C8orf58: variants seen among roughly 807,000 people sequenced by gnomAD.
C8orf58 encodes the protein uncharacterized protein C8orf58.
A neutral mutation model predicts 36.8 loss-of-function variants in C8orf58; 31 were observed. The ratio of observed to expected loss-of-function variants is 0.84; its 90% CI spans 0.63 to 1.14. The LOEUF (loss-of-function observed/expected upper bound fraction) is 1.14, where lower values mean the gene tolerates loss of function less well. Among genes scored for constraint, C8orf58 ranks in the 50% most tolerant of loss-of-function variants. The pLI, the probability that C8orf58 is intolerant of heterozygous loss-of-function variation, is 0.00. For missense variants in C8orf58, 538 were observed against 480.8 expected, an observed-to-expected ratio of 1.12 and a Z score of -1.11; for synonymous variants, 230 against 200.2, an observed-to-expected ratio of 1.15 and a Z score of -1.26.
chr8:22,603,766 G>A lies in C8orf58; in HGVS notation c.*460G>A, dbSNP rs974042023. 3.6e-6 allele frequency: 1 copy of A among 279,358 alleles called. No homozygotes were observed. The allele number at this position is 279,358 out of a possible 1,614,324, so 17.3% of individuals were successfully genotyped here. A position where few individuals can be genotyped will look rare whatever the true frequency, so the allele number is the denominator to read the frequency against. ...CTGGGGGAGGTCACTGCAGAAGGAT[G>A]GAACTGACCTTTATTCCCCAGTGGG... On this transcript the variant is annotated 3_prime_UTR_variant, in exon 7 of 7. Coordinates refer to ENST00000289989, the MANE Select transcript of C8orf58 (RefSeq NM_001013842.3).
chr8:22,603,341 G>A lies in C8orf58; in HGVS notation c.*35G>A, dbSNP rs372279433. The A allele has an allele frequency of 1.6e-5, 23 of 1,460,236 alleles. No individual in the cohort carries two copies. Among genetic ancestry groups the A allele is most frequent in the East Asian group, 2.3e-5 (1 of 44,186 alleles). The allele number at this position is 1,460,236 out of a possible 1,614,324, so 90.5% of individuals were successfully genotyped here. A position where few individuals can be genotyped will look rare whatever the true frequency, so the allele number is the denominator to read the frequency against. ...GTGCACCTGGTGACCCTGGGTGGAG[G>A]GGACTTGCTGTGAAGTCTTCCTCGC... On this transcript the variant is annotated 3_prime_UTR_variant, in exon 7 of 7. Transcript: ENST00000289989.
In C8orf58 at chr8:22,602,833, G is replaced by C. The variant is rs759739825; in HGVS notation, c.986+190G>C. 2.6e-4 allele frequency: 155 copies of C among 585,622 alleles called. 3 individuals are homozygous for C. The highest frequency in any genetic ancestry group is 9.3e-5 in the Admixed American group (3 of 32,326). 36.3% of individuals were successfully genotyped at this position (585,622 alleles called of 1,614,324 possible). A position where few individuals can be genotyped will look rare whatever the true frequency, so the allele number is the denominator to read the frequency against. ...AGGAGGCAGGGTTCTGGGTGGGGTTGGGGGTAGTTGCTTTTCCAAAGCCGC... is the reference window on the plus strand; with the variant it reads ...AGGAGGCAGGGTTCTGGGTGGGGTTCGGGGTAGTTGCTTTTCCAAAGCCGC... On this transcript the variant is annotated intron_variant, in intron 6 of 6. Transcript: ENST00000289989.
chr8:22,601,578 G>T, intron 2 of C8orf58, 134 bp from the exon 3 acceptor site: 1 of 1,181,368 alleles, frequency 8.5e-7, no homozygotes. Flanking sequence ...GCTGGGCAGT[G>T]GGGAAGCCGG....
chr8:22,601,920 G>A, intron 3 of C8orf58, 52 bp from the exon 4 acceptor site: 1 of 1,552,274 alleles, frequency 6.4e-7, no homozygotes, highest in Non-Finnish European at 8.7e-7. Context: ...TGCCCTCAGA[G>A]CAGCTTCAGC....
Position 22,601,746 on chromosome 8 carries a change from T to G in C8orf58, c.551T>G (p.Leu184Arg). 6.2e-7 allele frequency: 1 copy of G among 1,611,766 alleles called. No individual in the cohort carries two copies. ...GGLGPGAWACLPGQGLRYLEH... is the reference protein window; with the variant it reads ...GGLGPGAWACRPGQGLRYLEH... Reference sequence around the variant, plus strand: ...CTGGGGCCTGGAGCCTGGGCCTGCCTCCCCGGGCAGGGTCTTCGCTATCTG... The same window carrying G: ...CTGGGGCCTGGAGCCTGGGCCTGCCGCCCCGGGCAGGGTCTTCGCTATCTG... The change falls in exon 3 of 7, where the codon CTC (leucine) becomes CGC (arginine). Residue 184 changes from leucine to arginine, a missense_variant. Physicochemically the swap from Leu to Arg is moderately radical, Grantham distance 102. Transcript: ENST00000289989.
Position 22,601,215 on chromosome 8 carries a change from C to T in C8orf58, c.374C>T (p.Pro125Leu), listed in dbSNP as rs1272282060. The T allele has an allele frequency of 1.2e-6, 2 of 1,609,580 alleles. No individual in the cohort carries two copies. The highest frequency in any genetic ancestry group is 8.5e-7 in the Non-Finnish European group (1 of 1,178,732). Residue 125 changes from proline (P) to leucine (L), a missense_variant, in exon 2 of 7, where the codon CCA (proline) becomes CTA (leucine). Coordinates refer to ENST00000289989, the MANE Select transcript of C8orf58 (RefSeq NM_001013842.3). The stretch of plus-strand genomic sequence containing the variant: ...GTGTTGGAGCGGTCCCGCCGGCTCC[C>T]AACAGCTCCCACCAGCTTGTCAGGA... Reference protein sequence around the residue: ...GEVLERSRRLPTAPTSLSGQH... With the variant: ...GEVLERSRRLLTAPTSLSGQH...
At chr8:22,602,713 A>T in intron 6 of C8orf58, 70 bp downstream of exon 6, 1 of 1,032,642 alleles carries the variant, frequency 9.7e-7, no homozygotes, top group South Asian at 1.6e-5. Context: ...TGAGATTGTC[A>T]TGCCAGTTGT....
At chr8:22,599,810 G>T in intron 1 of C8orf58, 50 bp downstream of exon 1, 4 of 921,116 alleles carry the variant, frequency 4.3e-6, no homozygotes, top group Non-Finnish European at 5.6e-6. Context: ...CCCCGGAGCC[G>T]CTTCCCGCCC....
chr8:22,602,341 G>A, intron 5 of C8orf58, 29 bp downstream of exon 5: 1 of 1,344,956 alleles, frequency 7.4e-7, no homozygotes, highest in Non-Finnish European at 1.0e-6. Flanking sequence ...TGGGGCAGGT[G>A]GTGGGCTGGG....
rs779344653 is a variant in C8orf58 at position 22,602,181 on chromosome 8, CCTGA to C, written c.767-15_767-12del. On this transcript the variant is annotated splice_polypyrimidine_tract_variant and intron_variant, in intron 4 of 6. Transcript: ENST00000289989. ...TGGGGTGTCTTCTGGCCCTGGCCAA[CCTGA>C]CTGTCTTTCTGAAGGAGCAAAGGCT... 7.7e-5 allele frequency: 122 copies of C among 1,580,046 alleles called. 1 individual carries two copies. Among genetic ancestry groups the C allele is most frequent in the Middle Eastern group, 3.3e-4 (2 of 6,026 alleles).
chr8:22,602,379 TG>T (rs1800891937), intron 5 of C8orf58, 67 bp downstream of exon 5: 2 of 1,248,680 alleles, frequency 1.6e-6, no homozygotes, highest in Non-Finnish European at 2.3e-6. Context: ...GGGGGATGCA[TG>T]GGCACCCTGG....
At chr8:22,602,973 C>T (rs1800914031) in intron 6 of C8orf58, 7 of 596,860 alleles carry the variant, frequency 1.2e-5, no homozygotes, top group Non-Finnish European at 2.1e-5. Flanking sequence ...GTGGGGAGAG[C>T]AAGGTGGAGC....
chr8:22,601,869 T>G lies in C8orf58; in HGVS notation c.657+17T>G. ...CCCCCAGGGGTGAGTGAGATTCGAG[T>G]GGGGGAGGGAGAGGACAGATGGGAC... On this transcript the variant is annotated intron_variant, in intron 3 of 6. Coordinates refer to ENST00000289989, the MANE Select transcript of C8orf58 (RefSeq NM_001013842.3). 3 of 1,593,300 alleles carry G rather than the reference T, an allele frequency of 1.9e-6. No individual in the cohort carries two copies. Among genetic ancestry groups the G allele is most frequent in the South Asian group, 2.2e-5 (2 of 89,232 alleles).
At chr8:22,603,037 T>C in intron 6 of C8orf58, 158 bp from the exon 7 acceptor site, 1 of 621,672 alleles carries the variant, frequency 1.6e-6, no homozygotes, top group Non-Finnish European at 2.9e-6. Context: ...TTGTATTGAA[T>C]CGTTCTCCAG....
chr8:22,603,425 CTCTCT>C lies in C8orf58; in HGVS notation c.*121_*125del. On this transcript the variant is annotated 3_prime_UTR_variant, in exon 7 of 7. Coordinates refer to ENST00000289989, the MANE Select transcript of C8orf58 (RefSeq NM_001013842.3). ...GGAAAAGCTGCTGACGCCTGCCCTCCTCTCTTGAGTCGAGGGCTGAATCTTTCTCC... is the reference window on the plus strand; with the variant it reads ...GGAAAAGCTGCTGACGCCTGCCCTCCTGAGTCGAGGGCTGAATCTTTCTCC... 1 of 759,180 alleles carries C rather than the reference CTCTCT, an allele frequency of 1.3e-6. No homozygotes were observed. Among genetic ancestry groups the C allele is most frequent in the Non-Finnish European group, 2.3e-6 (1 of 426,380 alleles). 47.0% of individuals were successfully genotyped at this position (759,180 alleles called of 1,614,324 possible).
chr8:22,602,901 G>T (rs752790311), intron 6 of C8orf58: 16 of 581,866 alleles, frequency 2.7e-5, no homozygotes, highest in Non-Finnish European at 4.6e-5. Context: ...TGGGAAATCT[G>T]CCTACCCTAG....
Position 22,600,553 on chromosome 8 carries a change from T to C in C8orf58, c.41-329T>C, listed in dbSNP as rs113381881. On this transcript the variant is annotated intron_variant, in intron 1 of 6. Coordinates refer to ENST00000289989, the MANE Select transcript of C8orf58 (RefSeq NM_001013842.3). ...AGCAGCGGAAGAGCCTGTGGCTCCC[T>C]ACTTCTGACTCGGGAGATCGTGGGC... 8.9e-3 allele frequency: 2,969 copies of C among 333,594 alleles called. 81 individuals carry two copies. Among genetic ancestry groups the C allele is most frequent in the East Asian group, 0.061 (914 of 14,906 alleles). 20.7% of individuals were successfully genotyped at this position (333,594 alleles called of 1,614,324 possible). A position where few individuals can be genotyped will look rare whatever the true frequency, so the allele number is the denominator to read the frequency against.
At position 22,603,774 on chromosome 8, in the gene C8orf58, C is replaced by T. The variant is rs1461201577; in HGVS notation, c.*468C>T. On this transcript the variant is annotated 3_prime_UTR_variant, in exon 7 of 7. Transcript: ENST00000289989. ...GGTCACTGCAGAAGGATGGAACTGA[C>T]CTTTATTCCCCAGTGGGCAGTTACT... 4 of 262,456 alleles carry T rather than the reference C, an allele frequency of 1.5e-5. No individual in the cohort carries two copies. Among genetic ancestry groups the T allele is most frequent in the Non-Finnish European group, 3.0e-5 (4 of 131,676 alleles). The allele number at this position is 262,456 out of a possible 1,614,324, so 16.3% of individuals were successfully genotyped here.
At chr8:22,601,562 T>C in intron 2 of C8orf58, 150 bp from the exon 3 acceptor site, 1 of 1,082,750 alleles carries the variant, frequency 9.2e-7, no homozygotes, top group Non-Finnish European at 1.3e-6. Flanking sequence ...CCTGGCACTA[T>C]GCCCCGCTGG....
Sources: gnomAD v4.1 joint callset for allele counts on GRCh38, gnomAD v4.1.1 for gene constraint, MANE v1.5 for transcripts, NCBI Gene and HGNC (gene_info 2026-07-23, HGNC 2026-07-21) for gene names.